AGAP1: variants seen among roughly 807,000 people sequenced by gnomAD.
The protein encoded by AGAP1 is ArfGAP with GTPase domain, ankyrin repeat and PH domain 1.
A neutral mutation model predicts 105.3 loss-of-function variants in AGAP1; 29 were observed. That is an observed-to-expected ratio of 0.28 (90% confidence interval 0.21 to 0.38). The LOEUF is 0.38. Among genes scored for constraint, AGAP1 ranks in the 10% least tolerant of loss-of-function variants. AGAP1 has a pLI of 1.00. For missense variants in AGAP1, 998 were observed against 1,165.1 expected (o/e 0.86, Z 2.09); for synonymous variants, 509 against 485.9 (o/e 1.05, Z -0.63).
intron 13 of AGAP1, among the ~76,000 whole-genome samples, chr2:236,033,859 A>G (rs2057299482): frequency 6.6e-6 from 1 of 152,268 alleles, no homozygotes; most frequent in Non-Finnish European, 1.5e-5. Flanking sequence ...GTTGTGCAGA[A>G]ATTTAACCGG....
rs1012181202 is a variant in AGAP1, at chr2:235,610,226, G to C, written c.164-98953G>C. On this transcript the variant is annotated intron_variant, in intron 1 of 17. Transcript: ENST00000304032. The surrounding 1 kb of genome is among the most constrained non-coding windows in gnomAD (Gnocchi z 4.9). ...CTGTGTGCCTGCTTGAGTCTGCACC[G>C]AACATGGCTCTAGCTTCTTCGTTGG... is the stretch of plus-strand genomic sequence containing the variant. Among the ~76,000 whole-genome samples the C allele has an allele frequency of 6.6e-6, 1 of 152,126 alleles. No homozygotes were observed. The highest frequency in any genetic ancestry group is 2.1e-4 in the South Asian group (1 of 4,830).
intron 1 of AGAP1, among the ~76,000 whole-genome samples, chr2:235,640,765 G>C (rs10194516): frequency 0.45 from 68,807 of 152,008 alleles, 16,902 homozygotes; most frequent in Non-Finnish European, 0.56. Context: ...CAAACCCTTT[G>C]AACTTCACTT....
chr2:235,775,090 A>G (rs953200222), intron 6 of AGAP1, among the ~76,000 whole-genome samples: 14 of 152,362 alleles, frequency 9.2e-5, no homozygotes, highest in African/African-American at 2.6e-4. Context: ...CAGAAGGGGC[A>G]TCGGAGATTG....
chr2:235,605,790 T>G (rs1417439301), intron 1 of AGAP1, among the ~76,000 whole-genome samples: 1 of 152,228 alleles, frequency 6.6e-6, no homozygotes. Context: ...AGTCAATGAC[T>G]CTAGAATTTC....
chr2:235,722,364 C>T (rs955299071), intron 3 of AGAP1, among the ~76,000 whole-genome samples: 3 of 152,148 alleles, frequency 2.0e-5, no homozygotes, highest in Admixed American at 6.5e-5. Context: ...TTAATTAGTG[C>T]GTGAATATAC....
chr2:235,786,950 C>G (rs1196267811), intron 6 of AGAP1, among the ~76,000 whole-genome samples: 2 of 152,230 alleles, frequency 1.3e-5, no homozygotes, highest in Admixed American at 1.3e-4. Flanking sequence ...TTCTTGACAC[C>G]TTTTCCCAGC....
At chr2:235,521,195 C>T (rs114186443) in intron 1 of AGAP1, among the ~76,000 whole-genome samples, 300 of 152,294 alleles carry the variant, frequency 2.0e-3, no homozygotes, top group African/African-American at 6.9e-3. Context: ...GGGTGTATCT[C>T]ACTTTCGGTG....
chr2:235,501,808 C>A (rs948942654), intron 1 of AGAP1, among the ~76,000 whole-genome samples: 4 of 152,140 alleles, frequency 2.6e-5, no homozygotes, highest in Non-Finnish European at 5.9e-5. Flanking sequence ...CCAGCCTTCA[C>A]GTCCTTAGCT....
At chr2:235,859,382 C>T (rs1000563498) in intron 9 of AGAP1, among the ~76,000 whole-genome samples, 2 of 106,140 alleles carry the variant, frequency 1.9e-5, no homozygotes, top group African/African-American at 6.4e-5. Flanking sequence ...TGCAACTCTC[C>T]CCCCACAACC....
intron 16 of AGAP1, among the ~76,000 whole-genome samples, chr2:236,077,123 GTAGA>G (rs2058657048): frequency 1.6e-5 from 1 of 62,818 alleles, no homozygotes; most frequent in African/African-American, 1.0e-4. Flanking sequence ...GAAAAAAAGA[GTAGA>G]AAAAAAAAAA....
rs773287516 is a variant in AGAP1, at chr2:235,744,855, G to A, written c.538+16G>A. The A allele has an allele frequency of 1.9e-5, 31 of 1,613,678 alleles. 1 individual carries two copies. The East Asian group carries it at 5.8e-4, about 30-fold the overall frequency. On this transcript the variant is annotated intron_variant, in intron 5 of 17. Coordinates refer to ENST00000304032, the MANE Select transcript of AGAP1 (RefSeq NM_001037131.3). The surrounding 1 kb of genome is among the most constrained non-coding windows in gnomAD (Gnocchi z 5.2). ...GGAACCCAGGGTGAGTGATGTTCGT[G>A]TGCAGATTGTTTTGAAAGGGTTCTA...
intron 1 of AGAP1, among the ~76,000 whole-genome samples, chr2:235,560,825 G>A (rs962766594): frequency 5.3e-5 from 8 of 152,140 alleles, no homozygotes; most frequent in East Asian, 1.9e-4. Context: ...GAGTGGTCAC[G>A]GCGGCAGTAG....
At chr2:235,694,118 T>C (rs12692177) in intron 1 of AGAP1, among the ~76,000 whole-genome samples, 85,288 of 151,582 alleles carry the variant, frequency 0.56, 26,540 homozygotes, top group African/African-American at 0.84. Context: ...CTGAGGTGGG[T>C]GGATCATCTG....
chr2:235,618,279 G>A (rs763664796), intron 1 of AGAP1, among the ~76,000 whole-genome samples: 2 of 152,150 alleles, frequency 1.3e-5, no homozygotes, highest in Non-Finnish European at 2.9e-5. Context: ...AACCACAAGA[G>A]CTGGAAAATT....
At chr2:235,773,160 A>G (rs1381278974) in intron 6 of AGAP1, among the ~76,000 whole-genome samples, 1 of 152,238 alleles carries the variant, frequency 6.6e-6, no homozygotes, top group African/African-American at 2.4e-5. Flanking sequence ...TAGGGGCTCA[A>G]GAACCCAGTA....
chr2:236,102,873 T>G (rs1462757461), intron 16 of AGAP1, among the ~76,000 whole-genome samples: 1 of 152,210 alleles, frequency 6.6e-6, no homozygotes, highest in Non-Finnish European at 1.5e-5. Flanking sequence ...ATGTTTTGCC[T>G]TTCGCTAATA....
Position 236,009,596 on chromosome 2 carries a change from A to G in AGAP1, c.1646-26965A>G, listed in dbSNP as rs113021780. On this transcript the variant is annotated intron_variant, in intron 13 of 17. Transcript: ENST00000304032. The surrounding 1 kb of genome is among the most constrained non-coding windows in gnomAD (Gnocchi z 4.2). ...GAGGTACAAATTTACGCTCCCTTCT[A>G]TGAATAGAGAGGGCTATTTGTTTCA... is the stretch of plus-strand genomic sequence containing the variant. Among the ~76,000 whole-genome samples, 631 of 152,300 alleles carry G rather than the reference A, an allele frequency of 4.1e-3. 3 individuals carry two copies. The highest frequency in any genetic ancestry group is 0.015 in the African/African-American group (612 of 41,564).
intron 1 of AGAP1, among the ~76,000 whole-genome samples, chr2:235,502,953 A>ATTCAG (rs1559205847): frequency 2.4e-4 from 24 of 101,834 alleles, no homozygotes; most frequent in Non-Finnish European, 5.3e-4. Context: ...CTTCAATTCA[A>ATTCAG]TAAGTTTTAG....
chr2:235,828,525 C>T (rs1482242494), intron 9 of AGAP1, among the ~76,000 whole-genome samples: 2 of 152,136 alleles, frequency 1.3e-5, no homozygotes, highest in South Asian at 2.1e-4. Context: ...CACGTTTGTT[C>T]TATGAGAAGG....
Sources: gnomAD v4.1 joint callset for allele counts (sites outside exome capture counted in the v4.1 genomes callset) on GRCh38, gnomAD v4.1.1 for gene constraint, Gnocchi (gnomAD v3.1) non-coding constraint, MANE v1.5 for transcripts, NCBI Gene and HGNC (gene_info 2026-07-23, HGNC 2026-07-21) for gene names.